The following PLD1 variants were observed in gnomAD, a reference collection of about 807,000 sequenced individuals.
PLD1 encodes the protein choline phosphatase 1.
Under a neutral mutation model 137.1 loss-of-function variants are expected in PLD1, and 112 were observed. The ratio of observed to expected loss-of-function variants is 0.82; its 90% CI spans 0.70 to 0.96. The LOEUF is 0.96. Among genes scored for constraint, PLD1 ranks in the 40% least tolerant of loss-of-function variants. The pLI, the probability that PLD1 is intolerant of heterozygous loss-of-function variation, is 0.00. For synonymous variants in PLD1, 431 were observed against 454.7 expected, an observed-to-expected ratio of 0.95 and a Z score of 0.66; for missense variants, 1,321 against 1,342.0, an observed-to-expected ratio of 0.98 and a Z score of 0.24.
At chr3:171,685,212 G>C (rs566519048) in intron 16 of PLD1, among the ~76,000 whole-genome samples, 2 of 152,050 alleles carry the variant, frequency 1.3e-5, no homozygotes, top group Non-Finnish European at 2.9e-5. Context: ...TGTGGTCCAC[G>C]GAAGCCAAAA....
intron 23 of PLD1, among the ~76,000 whole-genome samples, chr3:171,627,906 C>G (rs1007470874): frequency 2.0e-5 from 3 of 151,942 alleles, no homozygotes; most frequent in African/African-American, 7.3e-5. Flanking sequence ...CAAGAGAAAG[C>G]AGGAAAGATC....
intron 11 of PLD1, among the ~76,000 whole-genome samples, chr3:171,702,743 T>A (rs970508117): frequency 1.6e-4 from 25 of 152,146 alleles, no homozygotes; most frequent in Non-Finnish European, 3.2e-4. Flanking sequence ...TTTGCCAACT[T>A]TACAGAATTT....
At position 171,603,061 on chromosome 3, in the gene PLD1, C is replaced by A; in HGVS notation, c.*17G>T. ...GGTCTCCAGGGTGGAAGTCTTTGAG[C>A]TGCCAATGAATATCTCTTAAGTCCA... On this transcript the variant is annotated 3_prime_UTR_variant, in exon 27 of 27. Coordinates refer to ENST00000351298, the MANE Select transcript of PLD1 (RefSeq NM_002662.5). 5.7e-6 allele frequency: 9 copies of A among 1,575,596 alleles called. No individual in the cohort carries two copies. Among genetic ancestry groups the A allele is most frequent in the Non-Finnish European group, 7.8e-6 (9 of 1,146,918 alleles).
intron 11 of PLD1, 57 bp from the exon 12 acceptor site, chr3:171,699,883 G>A (rs1337944599): frequency 2.8e-6 from 4 of 1,412,160 alleles, no homozygotes; most frequent in Non-Finnish European, 4.0e-6. Context: ...AGTTCTGATT[G>A]TGTCATAGGA....
chr3:171,702,055 G>T (rs988232227), intron 11 of PLD1, among the ~76,000 whole-genome samples: 1 of 152,032 alleles, frequency 6.6e-6, no homozygotes, highest in African/African-American at 2.4e-5. Flanking sequence ...GTAAGAAGAT[G>T]GGGGAATAAT....
intron 1 of PLD1, among the ~76,000 whole-genome samples, chr3:171,745,437 T>C (rs2108278668): frequency 6.6e-6 from 1 of 152,204 alleles, no homozygotes; most frequent in African/African-American, 2.4e-5. Flanking sequence ...TCAGTAAAGA[T>C]CCCCAGTCAC....
chr3:171,784,467 G>C (rs1041321089), intron 1 of PLD1, among the ~76,000 whole-genome samples: 2 of 151,590 alleles, frequency 1.3e-5, no homozygotes, highest in African/African-American at 4.9e-5. Context: ...TAACATTTAA[G>C]TACCCAGGAA....
rs1262292309 is a variant in PLD1 at position 171,726,076 on chromosome 3, T to C, written c.607A>G (p.Thr203Ala). Residue 203 changes from threonine (T) to alanine (A), a missense_variant and splice_region_variant, in exon 7 of 27, where the codon ACA becomes GCA. By Grantham distance (58) the Thr-to-Ala change is moderately conservative (BLOSUM62 0). Coordinates refer to ENST00000351298, the MANE Select transcript of PLD1 (RefSeq NM_002662.5). Reference sequence around the variant, plus strand: ...AGCTGGCTTATATCAAGAAACTCTGTCTGAAAAGAAGCAAAAAATCCATCT... The same window carrying C: ...AGCTGGCTTATATCAAGAAACTCTGCCTGAAAAGAAGCAAAAAATCCATCT... ...MPMYRNYHAT[T>A]EFLDISQLSF... is the part of the protein sequence containing the mutation. 7 of 1,610,832 alleles carry C rather than the reference T, an allele frequency of 4.3e-6. No individual in the cohort carries two copies. Among genetic ancestry groups the C allele is most frequent in the Non-Finnish European group, 5.9e-6 (7 of 1,177,210 alleles).
intron 24 of PLD1, among the ~76,000 whole-genome samples, chr3:171,617,820 C>T (rs1733249892): frequency 6.6e-6 from 1 of 152,052 alleles, no homozygotes; most frequent in Non-Finnish European, 1.5e-5. Context: ...GTCAGCTATT[C>T]AATCATTCTG....
chr3:171,721,709 AC>A (rs1718137276), intron 8 of PLD1, among the ~76,000 whole-genome samples: 1 of 152,138 alleles, frequency 6.6e-6, no homozygotes, highest in Admixed American at 6.5e-5. Context: ...GAAGGCAAAT[AC>A]TTTTTTTAGT....
intron 19 of PLD1, among the ~76,000 whole-genome samples, chr3:171,664,165 C>T (rs145818099): frequency 5.5e-4 from 84 of 152,116 alleles, no homozygotes; most frequent in African/African-American, 2.0e-3. Flanking sequence ...TAGAAGAGAA[C>T]TCATAAGGAA....
chr3:171,801,489 C>A (rs1300820348), intron 1 of PLD1, among the ~76,000 whole-genome samples: 5 of 152,218 alleles, frequency 3.3e-5, no homozygotes, highest in Admixed American at 2.6e-4. Context: ...AGTGCTATGG[C>A]ACGATCTCAG....
At chr3:171,751,333 C>A (rs749280338) in intron 1 of PLD1, among the ~76,000 whole-genome samples, 1 of 152,076 alleles carries the variant, frequency 6.6e-6, no homozygotes, top group Non-Finnish European at 1.5e-5. Flanking sequence ...TTCAACTACT[C>A]TAAAGTTTAA....
intron 20 of PLD1, among the ~76,000 whole-genome samples, chr3:171,660,197 TA>T (rs1737550719): frequency 6.6e-6 from 1 of 152,260 alleles, no homozygotes; most frequent in Non-Finnish European, 1.5e-5. Flanking sequence ...TTTGTGGCAT[TA>T]TCATTTTTAT....
chr3:171,621,034 C>T (rs1733592607), intron 23 of PLD1, among the ~76,000 whole-genome samples: 1 of 151,756 alleles, frequency 6.6e-6, no homozygotes, highest in Non-Finnish European at 1.5e-5. Context: ...GCATATTCAG[C>T]GTGAAGCATC....
chr3:171,602,847 A>C lies in PLD1; in HGVS notation c.*231T>G, dbSNP rs1438683056. ...TTACTCAACAGAGTACATGCTACCAACAAGAATGCAGCCCCCTTTTTACAA... is the reference window on the plus strand; with the variant it reads ...TTACTCAACAGAGTACATGCTACCACCAAGAATGCAGCCCCCTTTTTACAA... On this transcript the variant is annotated 3_prime_UTR_variant, in exon 27 of 27. Transcript: ENST00000351298. 7.2e-6 allele frequency: 4 copies of C among 557,658 alleles called. No homozygotes were observed. The highest frequency in any genetic ancestry group is 4.8e-4 in the Middle Eastern group (1 of 2,092). 34.5% of individuals were successfully genotyped at this position (557,658 alleles called of 1,614,324 possible).
intron 11 of PLD1, among the ~76,000 whole-genome samples, chr3:171,701,648 A>C (rs1353756407): frequency 2.6e-5 from 4 of 152,240 alleles, no homozygotes; most frequent in Admixed American, 2.6e-4. Context: ...AAAAGAAAAA[A>C]AGATTTTGTT....
At chr3:171,740,898 G>T (rs1369221284) in intron 1 of PLD1, among the ~76,000 whole-genome samples, 1 of 152,204 alleles carries the variant, frequency 6.6e-6, no homozygotes, top group Non-Finnish European at 1.5e-5. Context: ...CACTCAACTT[G>T]TGTCAGTGTT....
intron 21 of PLD1, among the ~76,000 whole-genome samples, chr3:171,648,436 T>A (rs1389855331): frequency 6.6e-6 from 1 of 152,206 alleles, no homozygotes; most frequent in Non-Finnish European, 1.5e-5. Flanking sequence ...TAAGAATTTA[T>A]AAGAATATAT....
Sources: gnomAD v4.1 joint callset for allele counts (sites outside exome capture counted in the v4.1 genomes callset) on GRCh38, gnomAD v4.1.1 for gene constraint, MANE v1.5 for transcripts, NCBI Gene and HGNC (gene_info 2026-07-23, HGNC 2026-07-21) for gene names.